RALGAPB: variants seen among roughly 807,000 people sequenced by gnomAD.
RALGAPB encodes ral GTPase-activating protein subunit beta.
In RALGAPB, 25 loss-of-function variants were observed where a neutral mutation model predicts 161.1. That is an observed-to-expected ratio of 0.16 (90% confidence interval 0.11 to 0.22). The LOEUF is 0.22. Ranked by LOEUF, RALGAPB falls within the 10% of genes least tolerant of loss-of-function variation. RALGAPB has a pLI of 1.00. For missense variants in RALGAPB, 1,391 were observed against 1,815.2 expected (o/e 0.77, Z 4.25); for synonymous variants, 629 against 626.1 (o/e 1.00, Z -0.07).
At chr20:38,534,182 T>G (rs1201821244) in intron 15 of RALGAPB, among the ~76,000 whole-genome samples, 12 of 150,776 alleles carry the variant, frequency 8.0e-5, no homozygotes, top group Non-Finnish European at 1.5e-4. Flanking sequence ...AAAAAAGAAA[T>G]TTTTCATTAC....
intron 5 of RALGAPB, among the ~76,000 whole-genome samples, chr20:38,503,419 G>A (rs1342776564): frequency 6.6e-6 from 1 of 152,174 alleles, no homozygotes; most frequent in African/African-American, 2.4e-5. Context: ...CCTAATGAAT[G>A]ACTCTGAGGG....
chr20:38,546,180 T>A (rs1163930149), intron 18 of RALGAPB, 63 bp from the exon 19 acceptor site: 2 of 1,605,386 alleles, frequency 1.2e-6, no homozygotes, highest in South Asian at 2.2e-5. Flanking sequence ...GACACATTGA[T>A]GCACAAGGTA....
chr20:38,548,945 C>T, intron 20 of RALGAPB, 150 bp downstream of exon 20: 2 of 644,548 alleles, frequency 3.1e-6, no homozygotes, highest in Non-Finnish European at 5.4e-6. Context: ...ATCTAGGAAC[C>T]TAGAATTCCA....
At chr20:38,511,655 T>TTA in intron 6 of RALGAPB, among the ~76,000 whole-genome samples, 1 of 152,264 alleles carries the variant, frequency 6.6e-6, no homozygotes, top group Non-Finnish European at 1.5e-5. Context: ...GGGGGTAAGG[T>TTA]TATAAATTAA....
At chr20:38,513,299 T>A (rs1269752152) in intron 6 of RALGAPB, among the ~76,000 whole-genome samples, 4 of 151,178 alleles carry the variant, frequency 2.6e-5, no homozygotes, top group Non-Finnish European at 5.9e-5. Flanking sequence ...AAGTCAGGAG[T>A]TCGAGACCAG....
intron 1 of RALGAPB, among the ~76,000 whole-genome samples, chr20:38,473,432 G>A (rs1445668997): frequency 6.6e-6 from 1 of 152,204 alleles, no homozygotes; most frequent in Non-Finnish European, 1.5e-5. Flanking sequence ...CGCCCAGTGG[G>A]GACGATGCTG....
intron 6 of RALGAPB, among the ~76,000 whole-genome samples, chr20:38,512,483 T>C (rs1600903034): frequency 1.3e-5 from 2 of 152,250 alleles, no homozygotes; most frequent in South Asian, 2.1e-4. Context: ...GTTATAAGTA[T>C]TGAAGAAGAA....
intron 5 of RALGAPB, among the ~76,000 whole-genome samples, chr20:38,503,232 T>G (rs2085648625): frequency 6.6e-6 from 1 of 152,236 alleles, no homozygotes; most frequent in Non-Finnish European, 1.5e-5. Context: ...GGCTTCTGAT[T>G]AGAAGTAGGC....
intron 2 of RALGAPB, among the ~76,000 whole-genome samples, chr20:38,488,939 C>T (rs2085198313): frequency 2.0e-5 from 3 of 152,132 alleles, no homozygotes; most frequent in South Asian, 2.1e-4. Context: ...ACACTTCCCC[C>T]AAAGATCTAG....
At chr20:38,511,141 A>G (rs2085935498) in intron 6 of RALGAPB, among the ~76,000 whole-genome samples, 1 of 152,118 alleles carries the variant, frequency 6.6e-6, no homozygotes, top group East Asian at 1.9e-4. Flanking sequence ...AGTAATATAA[A>G]TCACTGTTAC....
chr20:38,559,479 A>G (rs951797347), intron 23 of RALGAPB, among the ~76,000 whole-genome samples: 32 of 152,186 alleles, frequency 2.1e-4, no homozygotes, highest in Non-Finnish European at 7.4e-5. Flanking sequence ...TGGATCACCC[A>G]AGGTCAGGAG....
intron 2 of RALGAPB, 29 bp downstream of exon 2, chr20:38,488,647 T>C (rs752568379): frequency 8.3e-6 from 13 of 1,569,530 alleles, no homozygotes; most frequent in South Asian, 4.6e-5. Flanking sequence ...CATTCTCTTA[T>C]ATGAAAATGT....
intron 5 of RALGAPB, among the ~76,000 whole-genome samples, chr20:38,500,898 C>A (rs1413009395): frequency 6.6e-6 from 1 of 152,144 alleles, no homozygotes; most frequent in East Asian, 1.9e-4. Flanking sequence ...AAAGCGTGAT[C>A]CAGAGCAAGG....
chr20:38,520,143 AG>A (rs2086245980), intron 9 of RALGAPB: 1 of 307,744 alleles, frequency 3.2e-6, no homozygotes, highest in Non-Finnish European at 4.8e-6. Flanking sequence ...AAAGCTAAAA[AG>A]CTTCTTAATT....
intron 5 of RALGAPB, among the ~76,000 whole-genome samples, chr20:38,502,659 C>T (rs2085630521): frequency 6.6e-6 from 1 of 152,198 alleles, no homozygotes; most frequent in Non-Finnish European, 1.5e-5. Flanking sequence ...GATCTCAGCT[C>T]ACTGCAACCT....
Position 38,574,225 on chromosome 20 carries a change from T to C in RALGAPB, c.4218T>C (p.Ile1406=). The C allele has an allele frequency of 6.2e-7, 1 of 1,613,840 alleles. No individual in the cohort carries two copies. The highest frequency in any genetic ancestry group is 1.1e-5 in the South Asian group (1 of 91,028). The change falls in exon 29 of 30, where the codon ATT becomes ATC. Residue 1406 remains isoleucine, a synonymous_variant. Coordinates refer to ENST00000262879, the MANE Select transcript of RALGAPB (RefSeq NM_020336.4). ...PLNTGLFRIK[I]QGATGKFNMV... ...ACACTGGATTATTCCGGATAAAAAT[T>C]CAAGGAGCCACTGGAAAATTTAATA...
At chr20:38,476,334 G>A (rs551926692) in intron 1 of RALGAPB, among the ~76,000 whole-genome samples, 5 of 152,272 alleles carry the variant, frequency 3.3e-5, no homozygotes, top group African/African-American at 9.6e-5. Flanking sequence ...TCTTTGGTGC[G>A]AGATGATTTA....
At chr20:38,556,152 C>T (rs1367736782) in intron 22 of RALGAPB, among the ~76,000 whole-genome samples, 1 of 152,070 alleles carries the variant, frequency 6.6e-6, no homozygotes, top group African/African-American at 2.4e-5. Context: ...TAATGAAACC[C>T]AGGAGCAAAC....
At chr20:38,476,978 C>T (rs1244929571) in intron 1 of RALGAPB, among the ~76,000 whole-genome samples, 2 of 152,170 alleles carry the variant, frequency 1.3e-5, no homozygotes, top group South Asian at 2.1e-4. Context: ...GTGAAATGCA[C>T]TTAGCTATAT....
Sources: gnomAD v4.1 joint callset for allele counts (sites outside exome capture counted in the v4.1 genomes callset) on GRCh38, gnomAD v4.1.1 for gene constraint, MANE v1.5 for transcripts, NCBI Gene and HGNC (gene_info 2026-07-23, HGNC 2026-07-21) for gene names.